Variants in CAPZB observed in about 807,000 individuals in gnomAD.
CAPZB encodes the protein capping actin protein of muscle Z-line subunit beta.
CAPZB carries 2 observed loss-of-function variants against 38.1 expected under a neutral mutation model. That is an observed-to-expected ratio of 0.05 (90% confidence interval 0.02 to 0.17). The LOEUF (loss-of-function observed/expected upper bound fraction) is 0.17. Among genes scored for constraint, CAPZB ranks in the 10% least tolerant of loss-of-function variants. The probability of loss-of-function intolerance (pLI) is 1.00; values close to 1 mark genes in which losing one functional copy is unlikely to be tolerated. For synonymous variants in CAPZB, 107 were observed against 127.4 expected, an observed-to-expected ratio of 0.84 and a Z score of 1.08; for missense variants, 161 against 334.2, an observed-to-expected ratio of 0.48 and a Z score of 4.04.
At chr1:19,455,505 A>G (rs753872829) in intron 1 of CAPZB, among the ~76,000 whole-genome samples, 5 of 152,162 alleles carry the variant, frequency 3.3e-5, no homozygotes, top group Non-Finnish European at 5.9e-5. Flanking sequence ...CTCAACACAC[A>G]TGGTCTGTCC....
intron 3 of CAPZB, 148 bp downstream of exon 3, chr1:19,385,357 A>G (rs2094198356): frequency 1.3e-6 from 1 of 757,930 alleles, no homozygotes. Flanking sequence ...ACAAGAGAAG[A>G]AAGGAGAGGA....
At chr1:19,364,904 T>C (rs946079396) in intron 4 of CAPZB, among the ~76,000 whole-genome samples, 1 of 151,974 alleles carries the variant, frequency 6.6e-6, no homozygotes, top group African/African-American at 2.4e-5. Context: ...TGGAGTGCAA[T>C]GGCATGACCA....
At chr1:19,426,501 C>T (rs1207682759) in intron 1 of CAPZB, among the ~76,000 whole-genome samples, 1 of 152,036 alleles carries the variant, frequency 6.6e-6, no homozygotes, top group Non-Finnish European at 1.5e-5. Context: ...AACTTTTTAT[C>T]ATCAGAGCCC....
Position 19,356,786 on chromosome 1 carries a change from G to A in CAPZB, c.472-35C>T. The A allele has an allele frequency of 6.7e-7, 1 of 1,485,170 alleles. No individual in the cohort carries two copies. Among genetic ancestry groups the A allele is most frequent in the Non-Finnish European group, 9.4e-7 (1 of 1,064,940 alleles). The allele number at this position is 1,485,170 out of a possible 1,614,324, so 92.0% of individuals were successfully genotyped here. On this transcript the variant is annotated intron_variant, in intron 5 of 8. Transcript: ENST00000264202. This position sits in a 1 kb window ranked among gnomAD's most constrained non-coding sequence, Gnocchi z 4.3. ...CAAGACAGAGATCTGTTGAGCTGAG[G>A]GAGAGCCTGAAGTGGCCCCTGGAAT...
chr1:19,461,415 C>T (rs928175616), intron 1 of CAPZB, among the ~76,000 whole-genome samples: 1 of 152,242 alleles, frequency 6.6e-6, no homozygotes, highest in Non-Finnish European at 1.5e-5. Context: ...GAGCTCCTGG[C>T]TGAGGCGGAG....
chr1:19,349,485 CAA>C (rs1243749544), intron 6 of CAPZB, among the ~76,000 whole-genome samples: 1 of 152,160 alleles, frequency 6.6e-6, no homozygotes, highest in African/African-American at 2.4e-5. Flanking sequence ...ACCAACAGCC[CAA>C]AGAGAGGCCG....
In CAPZB at chr1:19,356,893, G is replaced by A. The variant is rs1048375109; in HGVS notation, c.472-142C>T. ...TTTTTTAAATTGGAGACAAAGTCTC[G>A]CTCTGTCACCCAGGCTGGAGTGCAG... On this transcript the variant is annotated intron_variant, in intron 5 of 8. Transcript: ENST00000264202. The surrounding 1 kb of genome is among the most constrained non-coding windows in gnomAD (Gnocchi z 4.3). The A allele has an allele frequency of 1.4e-5, 9 of 641,020 alleles. No homozygotes were observed. The highest frequency in any genetic ancestry group is 1.9e-5 in the Non-Finnish European group (7 of 362,592). The allele number at this position is 641,020 out of a possible 1,614,324, so 39.7% of individuals were successfully genotyped here.
intron 2 of CAPZB, among the ~76,000 whole-genome samples, chr1:19,414,402 A>G (rs2094370474): frequency 1.3e-5 from 2 of 152,188 alleles, no homozygotes; most frequent in Non-Finnish European, 1.5e-5. Context: ...AAAAATCAGG[A>G]TGTCTCTTCC....
At chr1:19,398,312 G>A (rs2094283636) in intron 2 of CAPZB, among the ~76,000 whole-genome samples, 1 of 148,162 alleles carries the variant, frequency 6.7e-6, no homozygotes, top group African/African-American at 2.4e-5. Context: ...AGCCCCTTGG[G>A]AGGCGAATGA....
chr1:19,379,100 CTTT>C (rs371398074), intron 3 of CAPZB, among the ~76,000 whole-genome samples: 1 of 138,248 alleles, frequency 7.2e-6, no homozygotes, highest in South Asian at 2.3e-4. Flanking sequence ...TTTTTTCTTT[CTTT>C]TTTTTTTTTT....
At chr1:19,341,605 G>C (rs1216911599) in intron 8 of CAPZB, among the ~76,000 whole-genome samples, 1 of 152,238 alleles carries the variant, frequency 6.6e-6, no homozygotes. Context: ...CTGTGGGAGG[G>C]AGGAGTCATC....
intron 6 of CAPZB, among the ~76,000 whole-genome samples, chr1:19,354,881 C>T (rs1478378135): frequency 2.0e-5 from 3 of 152,184 alleles, no homozygotes; most frequent in African/African-American, 7.2e-5. Context: ...GAGCTGGCTG[C>T]CTGGGGGTTT....
chr1:19,387,245 CAAA>C (rs2094209111), intron 2 of CAPZB, among the ~76,000 whole-genome samples: 1 of 152,204 alleles, frequency 6.6e-6, no homozygotes. Flanking sequence ...CAGATGAGTC[CAAA>C]GTCCCTACTC....
chr1:19,433,212 T>C (rs1319354226), intron 1 of CAPZB, among the ~76,000 whole-genome samples: 1 of 152,234 alleles, frequency 6.6e-6, no homozygotes, highest in African/African-American at 2.4e-5. Context: ...CACATAATTA[T>C]GGGCAATCCT....
chr1:19,378,450 A>G (rs1371073496), intron 4 of CAPZB, 90 bp downstream of exon 4: 3 of 774,292 alleles, frequency 3.9e-6, no homozygotes, highest in Middle Eastern at 4.6e-4. Context: ...ATGCTTGGCC[A>G]GGTAACAGAT....
At chr1:19,424,143 T>C (rs2094413018) in intron 1 of CAPZB, among the ~76,000 whole-genome samples, 1 of 152,080 alleles carries the variant, frequency 6.6e-6, no homozygotes, top group African/African-American at 2.4e-5. Flanking sequence ...ACACGTGTTT[T>C]AGACTAATAT....
At chr1:19,463,376 C>T (rs756301603) in intron 1 of CAPZB, among the ~76,000 whole-genome samples, 34 of 152,172 alleles carry the variant, frequency 2.2e-4, no homozygotes, top group Non-Finnish European at 4.9e-4. Context: ...CATAAGAGTG[C>T]CATAAAAGAC....
chr1:19,371,625 G>A (rs1047808114), intron 4 of CAPZB, among the ~76,000 whole-genome samples: 1 of 152,108 alleles, frequency 6.6e-6, no homozygotes, highest in African/African-American at 2.4e-5. Context: ...CATGGGTGAG[G>A]GTCAGAGGCT....
chr1:19,455,547 A>T (rs1269989645), intron 1 of CAPZB, among the ~76,000 whole-genome samples: 2 of 152,120 alleles, frequency 1.3e-5, no homozygotes, highest in African/African-American at 4.8e-5. Context: ...AACAAGCGGG[A>T]TGCCCACAGC....
Sources: gnomAD v4.1 joint callset for allele counts (sites outside exome capture counted in the v4.1 genomes callset) on GRCh38, gnomAD v4.1.1 for gene constraint, Gnocchi (gnomAD v3.1) non-coding constraint, MANE v1.5 for transcripts, NCBI Gene and HGNC (gene_info 2026-07-23, HGNC 2026-07-21) for gene names.